Variants in KANK4 observed in about 807,000 individuals in gnomAD.
The protein encoded by KANK4 is KN motif and ankyrin repeat domains 4, also known as KN motif and ankyrin repeat domain-containing protein 4.
In KANK4, 50 loss-of-function variants were observed where a neutral mutation model predicts 80.8. The ratio of observed to expected loss-of-function variants is 0.62; its 90% CI spans 0.49 to 0.78. The LOEUF is 0.78. Among genes scored for constraint, KANK4 ranks in the 30% least tolerant of loss-of-function variants. The probability of loss-of-function intolerance (pLI) is 0.00; values close to 1 mark genes in which losing one functional copy is unlikely to be tolerated. For missense variants in KANK4, 1,196 were observed against 1,240.1 expected (o/e 0.96, Z 0.53); for synonymous variants, 465 against 506.9 (o/e 0.92, Z 1.11).
chr1:62,287,336 T>C (rs1672591724), intron 1 of KANK4, among the ~76,000 whole-genome samples: 1 of 152,164 alleles, frequency 6.6e-6, no homozygotes, highest in East Asian at 1.9e-4. Flanking sequence ...CCTGGTGCTC[T>C]AACCAAGTGA....
intron 1 of KANK4, among the ~76,000 whole-genome samples, chr1:62,282,148 A>G (rs1480445975): frequency 1.3e-5 from 2 of 152,294 alleles, no homozygotes; most frequent in African/African-American, 2.4e-5. Context: ...GCAAGTACTG[A>G]CAGGGAGCTG....
intron 1 of KANK4, among the ~76,000 whole-genome samples, chr1:62,286,244 C>T (rs1036398472): frequency 6.6e-6 from 1 of 152,244 alleles, no homozygotes; most frequent in Non-Finnish European, 1.5e-5. Context: ...AGGGAGGACT[C>T]GTCTCCTTCC....
At chr1:62,253,818 A>C (rs1422163966) in intron 7 of KANK4, among the ~76,000 whole-genome samples, 1 of 152,196 alleles carries the variant, frequency 6.6e-6, no homozygotes, top group African/African-American at 2.4e-5. Context: ...CATCTCCTAA[A>C]CTGGAGCACA....
At chr1:62,308,935 T>C (rs1338052525) in intron 1 of KANK4, among the ~76,000 whole-genome samples, 1 of 152,082 alleles carries the variant, frequency 6.6e-6, no homozygotes. Flanking sequence ...TTTTCCTCCA[T>C]CTCCTCCCTT....
rs1331780309 is a variant in KANK4 at position 62,312,136 on chromosome 1, AT to A, written c.-71+6969del. 1.4e-4 allele frequency among the ~76,000 whole-genome samples: 22 copies of A among 152,294 alleles called. 1 individual carries two copies. The South Asian group carries it at 3.1e-3, about 22-fold the overall frequency. Reference sequence around the variant, plus strand: ...ATAATATTGAAATATAATTAATAAAATTTTTTAAATTGTGTAATATAGTAAT... The same window carrying A: ...ATAATATTGAAATATAATTAATAAAATTTTTAAATTGTGTAATATAGTAAT... On this transcript the variant is annotated intron_variant, in intron 1 of 9. Transcript: ENST00000371153.
At chr1:62,264,857 A>G (rs1671981472) in intron 6 of KANK4, among the ~76,000 whole-genome samples, 1 of 152,178 alleles carries the variant, frequency 6.6e-6, no homozygotes, top group Non-Finnish European at 1.5e-5. Context: ...TTTGAGACAG[A>G]GTCTCGCTCT....
At chr1:62,270,683 C>T (rs1491000929) in intron 4 of KANK4, among the ~76,000 whole-genome samples, 1 of 152,044 alleles carries the variant, frequency 6.6e-6, no homozygotes, top group Non-Finnish European at 1.5e-5. Context: ...AGCGACTGGC[C>T]CCAGTTCATC....
chr1:62,275,588 A>G (rs552615046), intron 2 of KANK4, among the ~76,000 whole-genome samples: 1 of 152,346 alleles, frequency 6.6e-6, no homozygotes, highest in Admixed American at 6.5e-5. Flanking sequence ...GTAGAAGTAA[A>G]TCTTGCTAAA....
chr1:62,259,516 G>A (rs1374683523), intron 7 of KANK4, among the ~76,000 whole-genome samples: 1 of 151,918 alleles, frequency 6.6e-6, no homozygotes, highest in Non-Finnish European at 1.5e-5. Flanking sequence ...AGCCTAAGCG[G>A]TTCACCCGCC....
chr1:62,247,838 C>A (rs1261391102), intron 8 of KANK4, among the ~76,000 whole-genome samples, 166 bp from the exon 9 acceptor site: 1 of 152,000 alleles, frequency 6.6e-6, no homozygotes, highest in African/African-American at 2.4e-5. Flanking sequence ...AAATTCTACT[C>A]TTTTAAGACT....
At chr1:62,256,875 C>T (rs751380480) in intron 7 of KANK4, among the ~76,000 whole-genome samples, 2 of 152,116 alleles carry the variant, frequency 1.3e-5, no homozygotes, top group African/African-American at 2.4e-5. Context: ...TGTCCTGATA[C>T]GGAAGTGAAC....
chr1:62,246,757 C>A (rs1671475645), intron 9 of KANK4, among the ~76,000 whole-genome samples: 1 of 151,450 alleles, frequency 6.6e-6, no homozygotes, highest in African/African-American at 2.4e-5. Flanking sequence ...ACCACCATAC[C>A]TGGTTAATTT....
intron 5 of KANK4, 74 bp downstream of exon 5, chr1:62,268,213 G>A (rs963583115): frequency 3.1e-5 from 36 of 1,151,508 alleles, no homozygotes; most frequent in African/African-American, 1.4e-4. Flanking sequence ...ACAAATGATC[G>A]CATGAACGGG....
In KANK4 at chr1:62,243,335, C is replaced by A. The variant is rs531422003; in HGVS notation, c.2883+4137G>T. ...TTGCAGCACTATTGATATTTTGGAC[C>A]AGATAATTTTTTTTTTTTTTTGAGA... On this transcript the variant is annotated intron_variant, in intron 9 of 9. Coordinates refer to ENST00000371153, the MANE Select transcript of KANK4 (RefSeq NM_181712.5). 3.1e-4 allele frequency among the ~76,000 whole-genome samples: 40 copies of A among 128,086 alleles called. 1 individual carries two copies. The South Asian group carries it at 6.1e-3, about 20-fold the overall frequency. The allele number at this position is 128,086 out of a possible 152,430, so 84.0% of individuals were successfully genotyped here.
chr1:62,261,933 T>C (rs1379596775), intron 7 of KANK4, among the ~76,000 whole-genome samples: 1 of 152,210 alleles, frequency 6.6e-6, no homozygotes, highest in African/African-American at 2.4e-5. Flanking sequence ...TTGCATTCTC[T>C]ATCTCTCTTT....
In KANK4 at chr1:62,281,763, C is replaced by T. The variant is rs1316313318; in HGVS notation, c.-70-129G>A. On this transcript the variant is annotated intron_variant, in intron 1 of 9. Transcript: ENST00000371153. Reference sequence around the variant, plus strand: ...CCAGGGTGCCCATGAGCTCACAGCCCTCCAAGGAGGAAGATTAAAAACCTG... The same window carrying T: ...CCAGGGTGCCCATGAGCTCACAGCCTTCCAAGGAGGAAGATTAAAAACCTG... The T allele has an allele frequency of 6.2e-6, 4 of 644,746 alleles. No homozygotes were observed. In the East Asian group the frequency reaches 8.0e-5, roughly 13 times the overall value. The allele number at this position is 644,746 out of a possible 1,614,324, so 39.9% of individuals were successfully genotyped here. A position where few individuals can be genotyped will look rare whatever the true frequency, so the allele number is the denominator to read the frequency against.
At chr1:62,288,997 G>A (rs998661619) in intron 1 of KANK4, among the ~76,000 whole-genome samples, 1 of 152,104 alleles carries the variant, frequency 6.6e-6, no homozygotes, top group African/African-American at 2.4e-5. Context: ...AATGAGCCGG[G>A]TACTCTGGTC....
chr1:62,236,534 A>G lies in KANK4; in HGVS notation c.*1743T>C, dbSNP rs192954016. On this transcript the variant is annotated 3_prime_UTR_variant, in exon 10 of 10. Transcript: ENST00000371153. ...CTCTGAGCCTCTCTTATGAATCACAATGGCAAAAGAAGTTTGCTGTACCAT... is the reference window on the plus strand; with the variant it reads ...CTCTGAGCCTCTCTTATGAATCACAGTGGCAAAAGAAGTTTGCTGTACCAT... Among the ~76,000 whole-genome samples, 7 of 151,772 alleles carry G rather than the reference A, an allele frequency of 4.6e-5. No individual in the cohort carries two copies. The East Asian group carries it at 1.2e-3, about 25-fold the overall frequency.
chr1:62,307,543 A>C (rs1366279187), intron 1 of KANK4, among the ~76,000 whole-genome samples: 2 of 151,960 alleles, frequency 1.3e-5, no homozygotes, highest in Middle Eastern at 6.9e-3. Context: ...TGATAAACAG[A>C]CTATAATGTG....
Sources: gnomAD v4.1 joint callset for allele counts (sites outside exome capture counted in the v4.1 genomes callset) on GRCh38, gnomAD v4.1.1 for gene constraint, MANE v1.5 for transcripts, NCBI Gene and HGNC (gene_info 2026-07-23, HGNC 2026-07-21) for gene names.